SPATA13: variants seen among roughly 807,000 people sequenced by gnomAD.
SPATA13 encodes spermatogenesis-associated protein 13.
Under a neutral mutation model 104.0 loss-of-function variants are expected in SPATA13, and 50 were observed. That is an observed-to-expected ratio of 0.48 (90% CI 0.38 to 0.61). SPATA13 has a LOEUF of 0.61. SPATA13 is among the 20% of genes least tolerant of loss of function. The pLI is 0.00. For synonymous variants in SPATA13, 606 were observed against 667.5 expected, an observed-to-expected ratio of 0.91 and a Z score of 1.42; for missense variants, 1,524 against 1,690.6, an observed-to-expected ratio of 0.90 and a Z score of 1.73.
At chr13:24,085,660 C>A (rs114812796) in intron 3 of SPATA13, among the ~76,000 whole-genome samples, 2 of 152,170 alleles carry the variant, frequency 1.3e-5, no homozygotes, top group Non-Finnish European at 2.9e-5. Context: ...CCATGTGGCC[C>A]GACTCCCTTT....
chr13:24,183,604 CAT>C (rs745732166), intron 1 of SPATA13, among the ~76,000 whole-genome samples: 5 of 69,924 alleles, frequency 7.2e-5, no homozygotes, highest in African/African-American at 9.6e-5. Flanking sequence ...GATTTCTTTA[CAT>C]TTTTTTTTTT....
chr13:24,269,131 G>C (rs1874428949), intron 4 of SPATA13, among the ~76,000 whole-genome samples: 1 of 152,152 alleles, frequency 6.6e-6, no homozygotes, highest in South Asian at 2.1e-4. Flanking sequence ...TGAAGAGCCA[G>C]TGCTTCTCTA....
intron 3 of SPATA13, among the ~76,000 whole-genome samples, chr13:24,150,551 AT>A (rs550741459): frequency 2.0e-3 from 292 of 149,418 alleles, no homozygotes; most frequent in African/African-American, 6.1e-3. Context: ...ATATTGATTG[AT>A]TTTTTTTTTT....
intron 1 of SPATA13, among the ~76,000 whole-genome samples, chr13:24,190,985 A>T (rs1869700708): frequency 6.6e-6 from 1 of 152,190 alleles, no homozygotes. Flanking sequence ...TTGCCACTGC[A>T]GCCTTCAGTA....
intron 2 of SPATA13, among the ~76,000 whole-genome samples, chr13:24,238,314 G>A (rs759331486): frequency 6.6e-5 from 10 of 151,844 alleles, no homozygotes; most frequent in Non-Finnish European, 1.2e-4. Context: ...GCACCACCAT[G>A]CCCGGCTAAT....
chr13:24,219,656 A>G (rs953775568), intron 1 of SPATA13, among the ~76,000 whole-genome samples: 77 of 152,360 alleles, frequency 5.1e-4, no homozygotes, highest in African/African-American at 1.8e-3. Context: ...GGTAAAAACA[A>G]TTTGATGAGA....
At chr13:24,106,608 G>A (rs1171848561) in intron 3 of SPATA13, among the ~76,000 whole-genome samples, 1 of 152,160 alleles carries the variant, frequency 6.6e-6, no homozygotes, top group Non-Finnish European at 1.5e-5. Context: ...GTCTCACTGG[G>A]TCTAAGTACT....
chr13:24,005,499 A>G (rs931531047), intron 2 of SPATA13, among the ~76,000 whole-genome samples: 5 of 152,008 alleles, frequency 3.3e-5, no homozygotes, highest in African/African-American at 1.2e-4. Context: ...AATGGAAACT[A>G]CAGTTTTAAG....
At chr13:24,095,114 C>T (rs1880029934) in intron 3 of SPATA13, among the ~76,000 whole-genome samples, 1 of 152,208 alleles carries the variant, frequency 6.6e-6, no homozygotes, top group South Asian at 2.1e-4. Context: ...CCCATGTTCA[C>T]AGCAGTGTTA....
rs1437441004 is a variant in SPATA13, at chr13:24,286,018, T to C, written c.2302-196T>C. On this transcript the variant is annotated intron_variant, in intron 5 of 12. Coordinates refer to ENST00000382108, the MANE Select transcript of SPATA13 (RefSeq NM_001166271.3). This position sits in a 1 kb window ranked among gnomAD's most constrained non-coding sequence, Gnocchi z 4.9. ...TTAAAAGCAGGTAGAGATGTCCTCCTGACTTTGTTTTTTCTTAGTCTGTTC... is the reference window on the plus strand; with the variant it reads ...TTAAAAGCAGGTAGAGATGTCCTCCCGACTTTGTTTTTTCTTAGTCTGTTC... Among the ~76,000 whole-genome samples the C allele has an allele frequency of 1.3e-5, 2 of 152,232 alleles. No individual in the cohort carries two copies. Among genetic ancestry groups the C allele is most frequent in the African/African-American group, 4.8e-5 (2 of 41,454 alleles).
intron 3 of SPATA13, among the ~76,000 whole-genome samples, chr13:24,120,204 AAAAT>A (rs144554022): frequency 0.02 from 3,117 of 152,220 alleles, 119 homozygotes; most frequent in African/African-American, 0.071. Context: ...CTCTGAAAAA[AAAAT>A]CAGGATTCTA....
chr13:24,135,218 GA>G (rs34924085), intron 3 of SPATA13, among the ~76,000 whole-genome samples: 4,836 of 106,476 alleles, frequency 0.045, 202 homozygotes, highest in African/African-American at 0.13. Context: ...CTCATTATTC[GA>G]AAAAAAAAAT....
intron 3 of SPATA13, among the ~76,000 whole-genome samples, chr13:24,096,201 C>T (rs1178359587): frequency 6.6e-6 from 1 of 152,144 alleles, no homozygotes; most frequent in Non-Finnish European, 1.5e-5. Flanking sequence ...AGACATAGCC[C>T]ATGTTCACGT....
At chr13:24,173,742 G>A (rs1007756677) in intron 1 of SPATA13, among the ~76,000 whole-genome samples, 1 of 152,008 alleles carries the variant, frequency 6.6e-6, no homozygotes, top group Admixed American at 6.6e-5. Context: ...TCTTCAGCCT[G>A]TTAATATGCT....
intron 2 of SPATA13, among the ~76,000 whole-genome samples, chr13:24,244,632 G>A (rs969689843): frequency 2.6e-5 from 4 of 152,234 alleles, no homozygotes; most frequent in Non-Finnish European, 5.9e-5. Context: ...TCTCAGCCAA[G>A]GCAGGTGAAT....
chr13:24,155,147 T>G (rs1244706124), intron 3 of SPATA13, among the ~76,000 whole-genome samples: 3 of 152,138 alleles, frequency 2.0e-5, no homozygotes, highest in Admixed American at 2.0e-4. Flanking sequence ...CTTGCCCGGT[T>G]GGTTATTATT....
chr13:24,070,024 T>C (rs999361382), intron 3 of SPATA13, among the ~76,000 whole-genome samples: 18 of 152,170 alleles, frequency 1.2e-4, no homozygotes, highest in African/African-American at 4.1e-4. Flanking sequence ...TGGATAGAGG[T>C]AAGGCTAGGC....
At chr13:24,239,963 A>G (rs1294830558) in intron 2 of SPATA13, among the ~76,000 whole-genome samples, 9 of 151,888 alleles carry the variant, frequency 5.9e-5, no homozygotes, top group African/African-American at 2.2e-4. Flanking sequence ...ATTTCATAAT[A>G]TGATGACTTT....
At chr13:24,219,083 T>C (rs1457239931) in intron 1 of SPATA13, among the ~76,000 whole-genome samples, 1 of 151,934 alleles carries the variant, frequency 6.6e-6, no homozygotes, top group East Asian at 1.9e-4. Context: ...TTCACAATAT[T>C]CCTATCTGAA....
Sources: allele counts gnomAD v4.1 joint callset (sites outside exome capture counted in the v4.1 genomes callset), GRCh38; gene constraint gnomAD v4.1.1; non-coding constraint Gnocchi (gnomAD v3.1); transcripts MANE v1.5; gene names NCBI Gene and HGNC (gene_info 2026-07-23, HGNC 2026-07-21).